KIF11: variants seen among roughly 807,000 people sequenced by gnomAD.
KIF11 encodes the protein kinesin-like protein KIF11.
In KIF11, 9 loss-of-function variants were observed where a neutral mutation model predicts 121.0. That is an observed-to-expected ratio of 0.07 (90% CI 0.04 to 0.13). The LOEUF (loss-of-function observed/expected upper bound fraction) is 0.13, where lower values mean the gene tolerates loss of function less well. Ranked by LOEUF, KIF11 falls within the 10% of genes least tolerant of loss-of-function variation. The pLI is 1.00. For missense variants in KIF11, 846 were observed against 1,217.5 expected (o/e 0.69, Z 4.54); for synonymous variants, 408 against 421.0 (o/e 0.97, Z 0.38).
chr10:92,596,165 G>A (rs948306872), intron 1 of KIF11, among the ~76,000 whole-genome samples: 7 of 151,964 alleles, frequency 4.6e-5, no homozygotes, highest in African/African-American at 1.2e-4. Context: ...CATCTCTCCC[G>A]GCTAATTTTT....
At chr10:92,596,182 T>A (rs1844293815) in intron 1 of KIF11, among the ~76,000 whole-genome samples, 1 of 152,190 alleles carries the variant, frequency 6.6e-6, no homozygotes, top group Non-Finnish European at 1.5e-5. Context: ...TTTTTGTATT[T>A]TTAGTAGAGA....
chr10:92,645,306 A>G, intron 17 of KIF11, 57 bp from the exon 18 acceptor site: 1 of 1,306,746 alleles, frequency 7.7e-7, no homozygotes, highest in Non-Finnish European at 1.1e-6. Flanking sequence ...TTGGGAAGTT[A>G]TATATCCTTT....
intron 9 of KIF11, among the ~76,000 whole-genome samples, chr10:92,620,874 G>T (rs563343186): frequency 2.6e-5 from 4 of 152,328 alleles, no homozygotes; most frequent in Middle Eastern, 3.4e-3. Flanking sequence ...GGTCCCTCCC[G>T]CAACGCGTGG....
At chr10:92,626,834 A>G (rs2135912762) in intron 10 of KIF11, among the ~76,000 whole-genome samples, 1 of 152,200 alleles carries the variant, frequency 6.6e-6, no homozygotes, top group African/African-American at 2.4e-5. Context: ...ATCTTGGCTC[A>G]CTGCAAGCTC....
chr10:92,601,970 T>C (rs1219267871), intron 1 of KIF11, among the ~76,000 whole-genome samples: 1 of 152,218 alleles, frequency 6.6e-6, no homozygotes, highest in Non-Finnish European at 1.5e-5. Flanking sequence ...AGCATTTTTA[T>C]GACTAATGGG....
chr10:92,653,462 T>A (rs889672889), intron 21 of KIF11, among the ~76,000 whole-genome samples: 2 of 152,256 alleles, frequency 1.3e-5, no homozygotes, highest in African/African-American at 4.8e-5. Context: ...TCTTTCACTC[T>A]ACTCCTTCCA....
chr10:92,613,817 A>G lies in KIF11; in HGVS notation c.1032+198A>G, dbSNP rs1396236650. Among the ~76,000 whole-genome samples the G allele has an allele frequency of 1.3e-5, 2 of 152,066 alleles. No homozygotes were observed. Among genetic ancestry groups the G allele is most frequent in the East Asian group, 1.9e-4 (1 of 5,186 alleles). On this transcript the variant is annotated intron_variant, in intron 8 of 21. Coordinates refer to ENST00000260731, the MANE Select transcript of KIF11 (RefSeq NM_004523.4). This position sits in a 1 kb window ranked among gnomAD's most constrained non-coding sequence, Gnocchi z 4.2. ...TGCCGAAACCCTGTCTCTACCAAAA[A>G]TACAAAAAATTAGCTGGGTTTGGTG...
intron 3 of KIF11, 57 bp from the exon 4 acceptor site, chr10:92,607,102 C>A: frequency 9.8e-7 from 1 of 1,024,532 alleles, no homozygotes; most frequent in South Asian, 1.3e-5. Context: ...TAGTCTATCA[C>A]TAAGAGTCAT....
chr10:92,619,110 G>C (rs370543870), intron 9 of KIF11, among the ~76,000 whole-genome samples: 3 of 152,066 alleles, frequency 2.0e-5, no homozygotes, highest in Non-Finnish European at 4.4e-5. Context: ...TCCGCCTCCC[G>C]GGTTCAAGCG....
intron 6 of KIF11, among the ~76,000 whole-genome samples, chr10:92,612,056 C>T (rs1447273285): frequency 6.6e-6 from 1 of 150,768 alleles, no homozygotes; most frequent in African/African-American, 2.5e-5. Flanking sequence ...CTTTGGTCAT[C>T]TGTATAATTT....
chr10:92,605,981 A>G (rs1193004872), intron 1 of KIF11, among the ~76,000 whole-genome samples: 1 of 152,176 alleles, frequency 6.6e-6, no homozygotes, highest in Non-Finnish European at 1.5e-5. Context: ...CCCCATCTCT[A>G]CCATCAAAAC....
intron 17 of KIF11, among the ~76,000 whole-genome samples, chr10:92,642,832 T>G (rs74504052): frequency 0.034 from 5,134 of 152,310 alleles, 137 homozygotes; most frequent in Admixed American, 0.06. Flanking sequence ...GTCTAAGTCT[T>G]TATATTTAAA....
chr10:92,645,787 A>G (rs1790567359), intron 18 of KIF11, 145 bp downstream of exon 18: 1 of 621,714 alleles, frequency 1.6e-6, no homozygotes, highest in Admixed American at 3.3e-5. Context: ...GTATGCTTAC[A>G]GATGATCTCG....
In KIF11 at chr10:92,607,232, G is replaced by A. The variant is rs968969233; in HGVS notation, c.382G>A (p.Glu128Lys). Residue 128 changes from glutamate to lysine, a missense_variant, in exon 4 of 22, where the codon GAA becomes AAA. Glu to Lys is a moderately conservative substitution (Grantham distance 56). This residue lies in a region of KIF11 where 140 missense variants were observed against 193.5 expected (regional missense o/e 0.72). Transcript: ENST00000260731. Reference sequence around the variant, plus strand: ...GTCACCTAATGAAGAGTATACCTGGGAAGAGGTATTTATTGTTTATAACAT... The same window carrying A: ...GTCACCTAATGAAGAGTATACCTGGAAAGAGGTATTTATTGTTTATAACAT... ...ERSPNEEYTW[E>K]EDPLAGIIPR... The A allele has an allele frequency of 3.2e-6, 5 of 1,574,756 alleles. No individual in the cohort carries two copies. Among genetic ancestry groups the A allele is most frequent in the Admixed American group, 1.7e-5 (1 of 59,850 alleles).
intron 11 of KIF11, 44 bp from the exon 12 acceptor site, chr10:92,630,132 T>C (rs1844720589): frequency 2.0e-6 from 2 of 996,432 alleles, no homozygotes; most frequent in South Asian, 4.1e-5. Context: ...ACTAGCTAGA[T>C]ATCCTACCAG....
At position 92,634,145 on chromosome 10, in the gene KIF11, G is replaced by A. The variant is rs534174743; in HGVS notation, c.1875+350G>A. 4.0e-3 allele frequency among the ~76,000 whole-genome samples: 609 copies of A among 151,794 alleles called. 13 individuals carry two copies. Among genetic ancestry groups the A allele is most frequent in the Non-Finnish European group, 8.5e-4 (58 of 67,924 alleles). On this transcript the variant is annotated intron_variant, in intron 14 of 21. Transcript: ENST00000260731. ...ACTACAGGCGCCCACCACCACACCC[G>A]GCTAATTTTTTGTATTTTTAGTAGA... is the stretch of plus-strand genomic sequence containing the variant.
At chr10:92,633,828 T>G in intron 14 of KIF11, 33 bp downstream of exon 14, 3 of 1,341,062 alleles carry the variant, frequency 2.2e-6, no homozygotes, top group Non-Finnish European at 3.1e-6. Flanking sequence ...TTTTGAAGGG[T>G]TGCATTTGAT....
chr10:92,645,225 A>C lies in KIF11; in HGVS notation c.2268-138A>C, dbSNP rs1844905733. The C allele has an allele frequency of 6.6e-6, 4 of 609,474 alleles. No individual in the cohort carries two copies. The Admixed American group carries it at 9.5e-5, about 15-fold the overall frequency. The allele number at this position is 609,474 out of a possible 1,614,324, so 37.8% of individuals were successfully genotyped here. The stretch of plus-strand genomic sequence containing the variant: ...AAGGCATCCATTCTCAATGCAGAAG[A>C]TTTACTAAGATCACGGGCCCTGGAG... On this transcript the variant is annotated intron_variant, in intron 17 of 21. Transcript: ENST00000260731.
intron 9 of KIF11, among the ~76,000 whole-genome samples, chr10:92,620,988 A>G (rs1844611065): frequency 6.6e-6 from 1 of 152,248 alleles, no homozygotes; most frequent in Non-Finnish European, 1.5e-5. Flanking sequence ...TGATTAACCT[A>G]GTAGGCTTTG....
Sources: allele counts gnomAD v4.1 joint callset (sites outside exome capture counted in the v4.1 genomes callset), GRCh38; gene constraint gnomAD v4.1.1; regional missense constraint gnomAD v4.1.1; non-coding constraint Gnocchi (gnomAD v3.1); transcripts MANE v1.5; gene names NCBI Gene and HGNC (gene_info 2026-07-23, HGNC 2026-07-21).